The following DNM3 variants were observed in gnomAD, a reference collection of about 807,000 sequenced individuals.
The protein encoded by DNM3 is dynamin 3, also known as dynamin-3.
A neutral mutation model predicts 101.6 loss-of-function variants in DNM3; 47 were observed. The observed-to-expected ratio is 0.46, with a 90% confidence interval of 0.37 to 0.59. DNM3 has a LOEUF of 0.59. Among genes scored for constraint, DNM3 ranks in the 20% least tolerant of loss-of-function variants. DNM3 has a pLI of 0.00. For synonymous variants in DNM3, 385 were observed against 387.9 expected (o/e 0.99, Z 0.09); for missense variants, 849 against 1,085.7 (o/e 0.78, Z 3.06).
intron 16 of DNM3, chr1:172,311,388 A>G (rs2065073084): frequency 6.6e-6 from 1 of 151,288 alleles, no homozygotes; most frequent in Non-Finnish European, 1.5e-5. Context: ...TGTTTTGTTA[A>G]GTCATGATTT....
At chr1:172,360,570 G>A (rs1326307139) in intron 17 of DNM3, among the ~76,000 whole-genome samples, 2 of 151,876 alleles carry the variant, frequency 1.3e-5, no homozygotes, top group East Asian at 3.9e-4. Context: ...GAGCAGTAGA[G>A]CCTCAGGCAA....
At chr1:172,273,709 A>G (rs1388649202) in intron 15 of DNM3, among the ~76,000 whole-genome samples, 3 of 152,100 alleles carry the variant, frequency 2.0e-5, no homozygotes, top group African/African-American at 7.2e-5. Flanking sequence ...TCATCACATC[A>G]TGTCCCTTTT....
In DNM3 at chr1:171,925,051, C is replaced by G. The variant is rs189867973; in HGVS notation, c.235+3230C>G. On this transcript the variant is annotated intron_variant, in intron 2 of 20. Transcript: ENST00000627582. ...AGTAGCTGGGATTACAGGTGCCCAC[C>G]ACCACGCCCGGCTAATTTTTTGTAT... 2.3e-3 allele frequency among the ~76,000 whole-genome samples: 353 copies of G among 151,858 alleles called. 3 individuals carry two copies. The highest frequency in any genetic ancestry group is 8.2e-3 in the African/African-American group (339 of 41,388).
chr1:172,104,333 C>G (rs2054859022), intron 13 of DNM3, among the ~76,000 whole-genome samples: 2 of 151,480 alleles, frequency 1.3e-5, no homozygotes, highest in Non-Finnish European at 2.9e-5. Flanking sequence ...GATTTTTATA[C>G]TTAGCTATTT....
chr1:172,397,168 T>A (rs2070077428), intron 20 of DNM3: 2 of 152,638 alleles, frequency 1.3e-5, no homozygotes, highest in Admixed American at 1.3e-4. Flanking sequence ...ACTTACTTCT[T>A]AAAACAACGA....
intron 20 of DNM3, 124 bp downstream of exon 20, chr1:172,388,933 C>A: frequency 1.2e-6 from 1 of 834,546 alleles, no homozygotes; most frequent in Non-Finnish European, 1.9e-6. Flanking sequence ...GCAGTTTTCA[C>A]AATGAACAGA....
At chr1:172,191,756 G>A (rs2148440998) in intron 14 of DNM3, among the ~76,000 whole-genome samples, 1 of 152,132 alleles carries the variant, frequency 6.6e-6, no homozygotes, top group East Asian at 1.9e-4. Flanking sequence ...GGATTCCTAG[G>A]TATTTTATTC....
At chr1:171,886,177 G>A (rs1376521224) in intron 1 of DNM3, among the ~76,000 whole-genome samples, 1 of 152,138 alleles carries the variant, frequency 6.6e-6, no homozygotes, top group Non-Finnish European at 1.5e-5. Context: ...GTAAATACAT[G>A]GTAAAGGCGT....
chr1:172,034,636 C>T (rs1298894697), intron 6 of DNM3, among the ~76,000 whole-genome samples: 4 of 151,874 alleles, frequency 2.6e-5, no homozygotes, highest in African/African-American at 4.8e-5. Context: ...CCTGGATAAT[C>T]ACTCTCTCTT....
At chr1:172,166,236 C>G (rs923812965) in intron 14 of DNM3, among the ~76,000 whole-genome samples, 5 of 152,042 alleles carry the variant, frequency 3.3e-5, no homozygotes, top group African/African-American at 1.2e-4. Context: ...GAAACTGCAG[C>G]TGAAAGTTGT....
chr1:172,127,344 C>T lies in DNM3; in HGVS notation c.1546-3831C>T, dbSNP rs118060529. On this transcript the variant is annotated intron_variant, in intron 13 of 20. Transcript: ENST00000627582. ...CATGTTATCCACTCCTATCTTTGTC[C>T]TTGTATCCTCTTTATTGTATCGCCA... is the stretch of plus-strand genomic sequence containing the variant. Among the ~76,000 whole-genome samples, 52 of 151,438 alleles carry T rather than the reference C, an allele frequency of 3.4e-4. No individual in the cohort carries two copies. The East Asian group carries it at 9.7e-3, about 28-fold the overall frequency.
At position 172,078,386 on chromosome 1, in the gene DNM3, C is replaced by T. The variant is rs549205752; in HGVS notation, c.1423-3446C>T. 1.6e-4 allele frequency among the ~76,000 whole-genome samples: 25 copies of T among 152,252 alleles called. 1 individual carries two copies. Among genetic ancestry groups the T allele is most frequent in the Admixed American group, 7.8e-4 (12 of 15,296 alleles). On this transcript the variant is annotated intron_variant, in intron 11 of 20. Transcript: ENST00000627582. ...GGATTACAGGCATGAGCCACTGCAC[C>T]TGGCTGGGTCTTTGTTGGTTTAAAG...
intron 15 of DNM3, among the ~76,000 whole-genome samples, chr1:172,293,672 G>C (rs1429476129): frequency 6.6e-6 from 1 of 152,068 alleles, no homozygotes; most frequent in East Asian, 1.9e-4. Flanking sequence ...ACTCTCCTTG[G>C]ATGTCTAGAC....
At chr1:172,316,782 T>C (rs1317319519) in intron 16 of DNM3, among the ~76,000 whole-genome samples, 2 of 151,932 alleles carry the variant, frequency 1.3e-5, no homozygotes, top group Non-Finnish European at 2.9e-5. Flanking sequence ...TCCCACACAA[T>C]AATAATGGGA....
chr1:172,234,323 C>T (rs1168090083), intron 14 of DNM3, among the ~76,000 whole-genome samples: 2 of 152,104 alleles, frequency 1.3e-5, no homozygotes, highest in Middle Eastern at 3.2e-3. Context: ...AGGAATCCAA[C>T]TTACAAAAGA....
chr1:171,885,217 T>TA lies in DNM3; in HGVS notation c.162-36522dup, dbSNP rs35522592. On this transcript the variant is annotated intron_variant, in intron 1 of 20. Coordinates refer to ENST00000627582, the MANE Select transcript of DNM3 (RefSeq NM_015569.5). ...GAGAGAAAATGGGTATGGCACTTGG[T>TA]AAAAAAAAATCGGGAGATTGTTTTA... Among the ~76,000 whole-genome samples the TA allele has an allele frequency of 2.7e-3, 406 of 151,442 alleles. 1 individual carries two copies. Among genetic ancestry groups the TA allele is most frequent in the African/African-American group, 9.5e-3 (392 of 41,324 alleles).
intron 16 of DNM3, among the ~76,000 whole-genome samples, chr1:172,312,052 A>G (rs1265358841): frequency 1.3e-5 from 2 of 152,234 alleles, no homozygotes; most frequent in Non-Finnish European, 2.9e-5. Flanking sequence ...GAAATTAACT[A>G]GAATGCTTAT....
chr1:172,364,786 G>C (rs920372734), intron 17 of DNM3, among the ~76,000 whole-genome samples: 1 of 151,786 alleles, frequency 6.6e-6, no homozygotes, highest in Non-Finnish European at 1.5e-5. Flanking sequence ...GACAGTGAGT[G>C]AGTTCTTATA....
Position 172,057,634 on chromosome 1 carries a change from A to G in DNM3, c.1335+8884A>G, listed in dbSNP as rs553945517. Among the ~76,000 whole-genome samples, 45 of 151,986 alleles carry G rather than the reference A, an allele frequency of 3.0e-4. 1 individual carries two copies. The highest frequency in any genetic ancestry group is 1.1e-3 in the African/African-American group (44 of 41,456). On this transcript the variant is annotated intron_variant, in intron 10 of 20. Transcript: ENST00000627582. ...AGGAGAAATAAAATACTTTACAGAC[A>G]AGCAAATGCTGAGAGATTTTGTCAC... is the stretch of plus-strand genomic sequence containing the variant.
Sources: allele counts gnomAD v4.1 joint callset (sites outside exome capture counted in the v4.1 genomes callset), GRCh38; gene constraint gnomAD v4.1.1; transcripts MANE v1.5; gene names NCBI Gene and HGNC (gene_info 2026-07-23, HGNC 2026-07-21).